Variants in ANKS6 observed in about 807,000 individuals in gnomAD.
ANKS6 encodes ankyrin repeat and SAM domain-containing protein 6.
ANKS6 carries 47 observed loss-of-function variants against 77.9 expected under a neutral mutation model. The ratio of observed to expected loss-of-function variants is 0.60; its 90% CI spans 0.48 to 0.77. The LOEUF is 0.77. Ranked by LOEUF, ANKS6 falls within the 30% of genes least tolerant of loss-of-function variation. The pLI, the probability that ANKS6 is intolerant of heterozygous loss-of-function variation, is 0.00. For synonymous variants in ANKS6, 488 were observed against 501.7 expected, an observed-to-expected ratio of 0.97 and a Z score of 0.37; for missense variants, 1,150 against 1,159.1, an observed-to-expected ratio of 0.99 and a Z score of 0.11.
chr9:98,737,742 T>G (rs1410221913), intron 14 of ANKS6, among the ~76,000 whole-genome samples: 1 of 152,136 alleles, frequency 6.6e-6, no homozygotes, highest in Non-Finnish European at 1.5e-5. Flanking sequence ...ATTCTAAAAT[T>G]CATATGGAAC....
At chr9:98,746,419 T>TGGG (rs972564844) in intron 13 of ANKS6, among the ~76,000 whole-genome samples, 20 of 152,166 alleles carry the variant, frequency 1.3e-4, no homozygotes, top group Admixed American at 6.5e-5. Context: ...CCAGGTCTAC[T>TGGG]GGGAAGCCAG....
chr9:98,749,587 C>T (rs371488294), intron 13 of ANKS6, among the ~76,000 whole-genome samples: 1 of 152,254 alleles, frequency 6.6e-6, no homozygotes, highest in East Asian at 1.9e-4. Context: ...GCCAGGGACA[C>T]GATACTTCAA....
At chr9:98,765,850 A>C (rs748312666) in intron 11 of ANKS6, among the ~76,000 whole-genome samples, 1 of 152,254 alleles carries the variant, frequency 6.6e-6, no homozygotes, top group Non-Finnish European at 1.5e-5. Context: ...TACAAAAACC[A>C]GATTGAGGAG....
At chr9:98,776,738 T>A (rs1025087057) in intron 8 of ANKS6, among the ~76,000 whole-genome samples, 2 of 152,138 alleles carry the variant, frequency 1.3e-5, no homozygotes, top group African/African-American at 4.8e-5. Flanking sequence ...CATGTGCCCA[T>A]GGCTACCTCT....
chr9:98,747,599 C>T (rs371224643), intron 13 of ANKS6, among the ~76,000 whole-genome samples: 4 of 152,136 alleles, frequency 2.6e-5, no homozygotes, highest in African/African-American at 9.7e-5. Flanking sequence ...GCCCCCCGCC[C>T]TGCTGGACAC....
At position 98,733,391 on chromosome 9, in the gene ANKS6, G is replaced by A; in HGVS notation, c.*3128C>T. 2.0e-6 allele frequency: 2 copies of A among 985,476 alleles called. No individual in the cohort carries two copies. Among genetic ancestry groups the A allele is most frequent in the Non-Finnish European group, 2.4e-6 (2 of 829,982 alleles). The allele number at this position is 985,476 out of a possible 1,614,324, so 61.0% of individuals were successfully genotyped here. On this transcript the variant is annotated 3_prime_UTR_variant, in exon 15 of 15. Coordinates refer to ENST00000353234, the MANE Select transcript of ANKS6 (RefSeq NM_173551.5). ...GCCCTCCACCCTGCAGGAGAGCTCA[G>A]GGTGGAGCCTCAGCTCAATGCCCTC...
At chr9:98,752,218 G>A (rs1026664947) in intron 12 of ANKS6, among the ~76,000 whole-genome samples, 5 of 152,224 alleles carry the variant, frequency 3.3e-5, no homozygotes, top group African/African-American at 1.2e-4. Context: ...GATGGTCACG[G>A]AAAGACTCTC....
chr9:98,737,414 C>T (rs921748859), intron 14 of ANKS6, among the ~76,000 whole-genome samples: 3 of 152,118 alleles, frequency 2.0e-5, no homozygotes, highest in African/African-American at 4.8e-5. Context: ...AAATCAGTAG[C>T]TCTTCTATAC....
Position 98,790,418 on chromosome 9 carries a change from C to T in ANKS6, c.548G>A (p.Gly183Asp). 6.2e-7 allele frequency: 1 copy of T among 1,613,806 alleles called. No homozygotes were observed. The highest frequency in any genetic ancestry group is 1.1e-5 in the South Asian group (1 of 91,082). Residue 183 changes from glycine to aspartate, a missense_variant, in exon 2 of 15, where the codon GGC becomes GAC. Transcript: ENST00000353234. Reference protein sequence around the residue: ...HHPSGEQLGLGGSRDEPLDIT... With the variant: ...HHPSGEQLGLDGSRDEPLDIT... ...GTCCAAGGGCTCATCCCTGCTGCCG[C>T]CCAACCCCAGTTGCTCGCCTGAAGG... is the stretch of plus-strand genomic sequence containing the variant.
chr9:98,760,314 C>A (rs1832940512), intron 11 of ANKS6, among the ~76,000 whole-genome samples: 2 of 152,082 alleles, frequency 1.3e-5, no homozygotes, highest in South Asian at 4.1e-4. Context: ...AAATCATTGG[C>A]CACTGATTAT....
chr9:98,755,196 C>G (rs1588347495), intron 12 of ANKS6, among the ~76,000 whole-genome samples: 1 of 152,228 alleles, frequency 6.6e-6, no homozygotes, highest in Non-Finnish European at 1.5e-5. Flanking sequence ...GTGATTCCAA[C>G]TTATCTTGCT....
chr9:98,755,377 A>C (rs575593503), intron 12 of ANKS6, among the ~76,000 whole-genome samples: 14 of 152,178 alleles, frequency 9.2e-5, no homozygotes, highest in Middle Eastern at 3.4e-3. Context: ...TCTTTCCCCC[A>C]TCCCAGCTCC....
At chr9:98,772,980 T>A (rs1833719343) in intron 9 of ANKS6, among the ~76,000 whole-genome samples, 1 of 152,228 alleles carries the variant, frequency 6.6e-6, no homozygotes, top group South Asian at 2.1e-4. Flanking sequence ...TCAGTTAATG[T>A]TCACTGAGCA....
chr9:98,782,298 G>A (rs1247693146), intron 5 of ANKS6, among the ~76,000 whole-genome samples, 169 bp downstream of exon 5: 2 of 152,164 alleles, frequency 1.3e-5, no homozygotes, highest in African/African-American at 4.8e-5. Context: ...TCACTGGGGA[G>A]GGAAGGAACT....
intron 12 of ANKS6, among the ~76,000 whole-genome samples, chr9:98,751,557 T>C (rs1160516500): frequency 6.6e-6 from 1 of 152,206 alleles, no homozygotes; most frequent in Non-Finnish European, 1.5e-5. Flanking sequence ...AACCAGGGTT[T>C]GGCTCAAGTG....
chr9:98,762,160 T>C (rs768302152), intron 11 of ANKS6, among the ~76,000 whole-genome samples: 1 of 152,182 alleles, frequency 6.6e-6, no homozygotes, highest in Admixed American at 6.5e-5. Context: ...ATTTCATACA[T>C]GTTAAATGTA....
At position 98,777,570 on chromosome 9, in the gene ANKS6, T is replaced by C. The variant is rs982280511; in HGVS notation, c.1568-116A>G. 7.2e-6 allele frequency: 6 copies of C among 835,340 alleles called. No homozygotes were observed. In the African/African-American group the frequency reaches 1.0e-4, roughly 15 times the overall value. The allele number at this position is 835,340 out of a possible 1,614,324, so 51.7% of individuals were successfully genotyped here. On this transcript the variant is annotated intron_variant, in intron 7 of 14. Transcript: ENST00000353234. ...CCAACTCTCCTGGGTGCTTAAATAT[T>C]TAATAATAATTGGTATTCGATATTT...
rs1831282729 is a variant in ANKS6, at chr9:98,732,978, T to C, written c.*3541A>G. 9.8e-7 allele frequency: 1 copy of C among 1,020,614 alleles called. No homozygotes were observed. Among genetic ancestry groups the C allele is most frequent in the South Asian group, 3.6e-5 (1 of 27,828 alleles). The allele number at this position is 1,020,614 out of a possible 1,614,324, so 63.2% of individuals were successfully genotyped here. On this transcript the variant is annotated 3_prime_UTR_variant, in exon 15 of 15. Coordinates refer to ENST00000353234, the MANE Select transcript of ANKS6 (RefSeq NM_173551.5). ...GCCCTTTGAGGCCCCACTCCATCTC[T>C]CTCCTCTGGGGCGTGCCCAGGCTGA...
intron 1 of ANKS6, among the ~76,000 whole-genome samples, chr9:98,792,088 T>C (rs548867778): frequency 6.6e-6 from 1 of 152,170 alleles, no homozygotes; most frequent in African/African-American, 2.4e-5. Context: ...CAGCTTCTGA[T>C]TGCCGAAGAC....
Sources: allele counts gnomAD v4.1 joint callset (sites outside exome capture counted in the v4.1 genomes callset), GRCh38; gene constraint gnomAD v4.1.1; transcripts MANE v1.5; gene names NCBI Gene and HGNC (gene_info 2026-07-23, HGNC 2026-07-21).